ZFYVE26: variants seen among roughly 807,000 people sequenced by gnomAD.
The protein encoded by ZFYVE26 is zinc finger FYVE-type containing 26, also known as zinc finger FYVE domain-containing protein 26.
A neutral mutation model predicts 276.5 loss-of-function variants in ZFYVE26; 181 were observed. That is an observed-to-expected ratio of 0.65 (90% CI 0.58 to 0.74). ZFYVE26 has a LOEUF of 0.74. Among genes scored for constraint, ZFYVE26 ranks in the 30% least tolerant of loss-of-function variants. The probability of loss-of-function intolerance (pLI) is 0.00; values close to 1 mark genes in which losing one functional copy is unlikely to be tolerated. For missense variants in ZFYVE26, 2,821 were observed against 3,097.9 expected, an observed-to-expected ratio of 0.91 and a Z score of 2.12; for synonymous variants, 1,129 against 1,203.1, an observed-to-expected ratio of 0.94 and a Z score of 1.27.
chr14:67,769,760 G>C lies in ZFYVE26; in HGVS notation c.5485-30C>G, dbSNP rs770448401. The C allele has an allele frequency of 1.8e-5, 29 of 1,613,676 alleles. No homozygotes were observed. In the Admixed American group the frequency reaches 4.8e-4, roughly 27 times the overall value. On this transcript the variant is annotated intron_variant, in intron 28 of 41. Transcript: ENST00000347230. ...GGAATGCCATCAGGAGGAGAAGAAAGAGGGAGGAGAGAAGGGGAGATTGCC... is the reference window on the plus strand; with the variant it reads ...GGAATGCCATCAGGAGGAGAAGAAACAGGGAGGAGAGAAGGGGAGATTGCC...
intron 3 of ZFYVE26, among the ~76,000 whole-genome samples, chr14:67,812,678 A>G (rs1378687500): frequency 1.3e-5 from 2 of 152,248 alleles, no homozygotes; most frequent in Admixed American, 6.5e-5. Context: ...AGTGGAATCC[A>G]TCTCCTGACA....
At chr14:67,751,743 G>T (rs540966377) in intron 40 of ZFYVE26, among the ~76,000 whole-genome samples, 2 of 152,088 alleles carry the variant, frequency 1.3e-5, no homozygotes, top group East Asian at 3.9e-4. Context: ...CGTGGTGGTG[G>T]GCGCCTGTAG....
At position 67,815,926 on chromosome 14, in the gene ZFYVE26, T is replaced by C; in HGVS notation, c.38A>G (p.Gln13Arg). 6.2e-7 allele frequency: 1 copy of C among 1,613,318 alleles called. No homozygotes were observed. Among genetic ancestry groups the C allele is most frequent in the Non-Finnish European group, 8.5e-7 (1 of 1,179,776 alleles). Residue 13 changes from glutamine (Q) to arginine (R), a missense_variant, in exon 2 of 42, where the codon CAG becomes CGG. Physicochemically the swap from Gln to Arg is conservative, Grantham distance 43. Coordinates refer to ENST00000347230, the MANE Select transcript of ZFYVE26 (RefSeq NM_015346.4). Reference protein sequence around the residue: ...HPFGKEEAASQKQLFGFFCEC... With the variant: ...HPFGKEEAASRKQLFGFFCEC... ...GCAGAAAAATCCAAAAAGCTGCTTC[T>C]GCGAAGCAGCTTCCTCTTTTCCAAA...
At chr14:67,765,114 T>C (rs1414361627) in intron 32 of ZFYVE26, among the ~76,000 whole-genome samples, 1 of 152,218 alleles carries the variant, frequency 6.6e-6, no homozygotes, top group Admixed American at 6.5e-5. Flanking sequence ...TTAACACATA[T>C]CTGTTTCTTC....
chr14:67,784,993 T>G, intron 19 of ZFYVE26, 66 bp downstream of exon 19: 2 of 1,545,250 alleles, frequency 1.3e-6, no homozygotes, highest in South Asian at 1.1e-5. Flanking sequence ...TGTGCATCTT[T>G]TCTCTTCCTT....
chr14:67,768,455 T>C (rs1482422479), intron 30 of ZFYVE26, 62 bp downstream of exon 30: 1 of 1,566,666 alleles, frequency 6.4e-7, no homozygotes, highest in Non-Finnish European at 8.8e-7. Flanking sequence ...GCTGATATGC[T>C]GAAGATAGAG....
intron 24 of ZFYVE26, 91 bp from the exon 25 acceptor site, chr14:67,777,826 A>C: frequency 6.6e-7 from 1 of 1,519,804 alleles, no homozygotes; most frequent in East Asian, 2.3e-5. Context: ...ATTTAGGTTT[A>C]CTCATTTTGG....
chr14:67,766,726 G>A (rs1348356617), intron 31 of ZFYVE26, among the ~76,000 whole-genome samples: 1 of 152,108 alleles, frequency 6.6e-6, no homozygotes. Flanking sequence ...TTGAAACAGG[G>A]TCTCACTCTG....
At chr14:67,803,266 A>C (rs1233952798) in intron 9 of ZFYVE26, among the ~76,000 whole-genome samples, 1 of 152,164 alleles carries the variant, frequency 6.6e-6, no homozygotes, top group Non-Finnish European at 1.5e-5. Context: ...AACTTAAAGA[A>C]AAAGAGCTTT....
chr14:67,733,142 CA>C (rs940637175), intron 13 of ZFYVE26, among the ~76,000 whole-genome samples: 2 of 145,960 alleles, frequency 1.4e-5, no homozygotes, highest in African/African-American at 2.5e-5. Flanking sequence ...TTAAAAAAAA[CA>C]AAAAAAAACA....
intron 13 of ZFYVE26, among the ~76,000 whole-genome samples, chr14:67,732,693 C>T (rs1263186398): frequency 6.6e-6 from 1 of 152,146 alleles, no homozygotes; most frequent in Non-Finnish European, 1.5e-5. Flanking sequence ...TCTCCTGCAT[C>T]AGCCTCCCAA....
At chr14:67,733,318 T>A (rs1408480059) in intron 13 of ZFYVE26, among the ~76,000 whole-genome samples, 2 of 152,202 alleles carry the variant, frequency 1.3e-5, no homozygotes, top group Non-Finnish European at 2.9e-5. Flanking sequence ...AATAACTTCA[T>A]CTTTAATTTA....
chr14:67,802,344 G>A (rs2040095127), intron 9 of ZFYVE26, 62 bp from the exon 10 acceptor site: 1 of 1,537,968 alleles, frequency 6.5e-7, no homozygotes, highest in African/African-American at 1.4e-5. Context: ...GCAAGTATGG[G>A]TGAAGCAAAG....
At chr14:67,806,409 G>C in intron 6 of ZFYVE26, 136 bp downstream of exon 6, 1 of 1,068,144 alleles carries the variant, frequency 9.4e-7, no homozygotes, top group Non-Finnish European at 1.4e-6. Flanking sequence ...GGGACTGTGG[G>C]AGGGACAAAA....
Position 67,816,570 on chromosome 14 carries a change from C to A in ZFYVE26, c.-120G>T, listed in dbSNP as rs886050660. On this transcript the variant is annotated 5_prime_UTR_variant, in exon 1 of 42. Coordinates refer to ENST00000347230, the MANE Select transcript of ZFYVE26 (RefSeq NM_015346.4). ...GCCCAAAGCAATAGAGCTCTCAGCGCAGCCATGTTTGAGCCGAGTCAGGTG... is the reference window on the plus strand; with the variant it reads ...GCCCAAAGCAATAGAGCTCTCAGCGAAGCCATGTTTGAGCCGAGTCAGGTG... 1 of 152,416 alleles carries A rather than the reference C, an allele frequency of 6.6e-6. No individual in the cohort carries two copies. Among genetic ancestry groups the A allele is most frequent in the Non-Finnish European group, 1.5e-5 (1 of 68,224 alleles). 9.4% of individuals were successfully genotyped at this position (152,416 alleles called of 1,614,324 possible). A position where few individuals can be genotyped will look rare whatever the true frequency, so the allele number is the denominator to read the frequency against.
rs776265522 is a variant in ZFYVE26 at position 67,789,402 on chromosome 14, G to C, written c.2952C>G (p.Leu984=). The C allele has an allele frequency of 5.0e-6, 8 of 1,614,090 alleles. No individual in the cohort carries two copies. In the Admixed American group the frequency reaches 1.0e-4, roughly 20 times the overall value. The part of the protein sequence containing the change: ...AFDLACSQCQ[L]WKTCKQLLET... ...CCAAAAGCTGCTTGCAGGTTTTCCA[G>C]AGCTGGCACTGAGAGCAAGCTAGGT... Residue 984 remains leucine (L), a synonymous_variant, in exon 16 of 42, where the codon CTC becomes CTG. Coordinates refer to ENST00000347230, the MANE Select transcript of ZFYVE26 (RefSeq NM_015346.4).
At chr14:67,755,386 A>G (rs2038751974) in intron 36 of ZFYVE26, 136 bp from the exon 37 acceptor site, 3 of 1,029,008 alleles carry the variant, frequency 2.9e-6, no homozygotes, top group South Asian at 2.7e-5. Flanking sequence ...CTGAACTGCT[A>G]TTTTGAGCCA....
At chr14:67,774,365 G>A (rs2039286692) in intron 27 of ZFYVE26, among the ~76,000 whole-genome samples, 1 of 152,338 alleles carries the variant, frequency 6.6e-6, no homozygotes, top group South Asian at 2.1e-4. Flanking sequence ...TGGGTGTGGT[G>A]GCACACGCCT....
chr14:67,805,328 A>C (rs753366988), intron 7 of ZFYVE26, 23 bp from the exon 8 acceptor site: 13 of 1,613,932 alleles, frequency 8.1e-6, no homozygotes, highest in Non-Finnish European at 1.1e-5. Context: ...GGGAGAAGAA[A>C]GAGATGCTGA....
Sources: gnomAD v4.1 joint callset for allele counts (sites outside exome capture counted in the v4.1 genomes callset) on GRCh38, gnomAD v4.1.1 for gene constraint, MANE v1.5 for transcripts, NCBI Gene and HGNC (gene_info 2026-07-23, HGNC 2026-07-21) for gene names.